PTPRM: variants seen among roughly 807,000 people sequenced by gnomAD.
PTPRM encodes receptor-type tyrosine-protein phosphatase mu.
PTPRM carries 47 observed loss-of-function variants against 186.7 expected under a neutral mutation model. The observed-to-expected ratio is 0.25, with a 90% CI of 0.20 to 0.32. PTPRM has a LOEUF of 0.32. Among genes scored for constraint, PTPRM ranks in the 10% least tolerant of loss-of-function variants. The probability of loss-of-function intolerance (pLI) is 1.00; values close to 1 mark genes in which losing one functional copy is unlikely to be tolerated. For missense variants in PTPRM, 1,494 were observed against 1,865.0 expected, an observed-to-expected ratio of 0.80 and a Z score of 3.66; for synonymous variants, 668 against 674.9, an observed-to-expected ratio of 0.99 and a Z score of 0.16.
intron 1 of PTPRM, among the ~76,000 whole-genome samples, chr18:7,738,088 T>A (rs1204040958): frequency 6.6e-6 from 1 of 152,232 alleles, no homozygotes; most frequent in Non-Finnish European, 1.5e-5. Context: ...TTGATAAGGC[T>A]GCCTTTCTTT....
intron 2 of PTPRM, among the ~76,000 whole-genome samples, chr18:7,784,809 T>G (rs1241327287): frequency 6.6e-6 from 1 of 152,192 alleles, no homozygotes; most frequent in East Asian, 1.9e-4. Flanking sequence ...CAGGGAGACA[T>G]CAGCCTGCAG....
At chr18:8,205,664 C>A (rs982802657) in intron 14 of PTPRM, among the ~76,000 whole-genome samples, 1 of 152,142 alleles carries the variant, frequency 6.6e-6, no homozygotes, top group Non-Finnish European at 1.5e-5. Context: ...TCATGCCTGC[C>A]AGAAATATTT....
chr18:7,961,312 G>A (rs1377901618), intron 7 of PTPRM, among the ~76,000 whole-genome samples: 4 of 152,106 alleles, frequency 2.6e-5, no homozygotes, highest in Non-Finnish European at 4.4e-5. Flanking sequence ...GCAACCACCA[G>A]TCTCCTTTTT....
intron 22 of PTPRM, among the ~76,000 whole-genome samples, chr18:8,340,116 G>A (rs1422656890): frequency 6.6e-6 from 1 of 152,218 alleles, no homozygotes; most frequent in Non-Finnish European, 1.5e-5. Context: ...AGGCCAGGGA[G>A]GGAGCCATGC....
intron 1 of PTPRM, among the ~76,000 whole-genome samples, chr18:7,619,195 A>G (rs2037878473): frequency 6.6e-6 from 1 of 152,198 alleles, no homozygotes. Context: ...GTGAATAAAT[A>G]ATTCAGGGTT....
intron 7 of PTPRM, 95 bp downstream of exon 7, chr18:7,955,509 A>G: frequency 7.1e-7 from 1 of 1,409,664 alleles, no homozygotes; most frequent in Non-Finnish European, 9.6e-7. Flanking sequence ...CGCTTCCCCT[A>G]GCTCTATCAA....
chr18:8,052,840 A>G (rs1267686614), intron 7 of PTPRM, among the ~76,000 whole-genome samples: 2 of 152,182 alleles, frequency 1.3e-5, no homozygotes, highest in East Asian at 1.9e-4. Context: ...TCTGCCAACA[A>G]TCAGTATTAC....
At chr18:8,377,452 T>A (rs1014237211) in intron 26 of PTPRM, 12 of 152,226 alleles carry the variant, frequency 7.9e-5, no homozygotes, top group African/African-American at 2.9e-4. Flanking sequence ...TTTAATGTAC[T>A]TTATAGTCAA....
At chr18:8,179,468 T>TTTTC (rs2093540698) in intron 14 of PTPRM, among the ~76,000 whole-genome samples, 1 of 151,928 alleles carries the variant, frequency 6.6e-6, no homozygotes, top group African/African-American at 2.4e-5. Flanking sequence ...TCTTTTTTTT[T>TTTTC]TTTCTTTTCT....
chr18:7,627,890 G>T (rs1408444004), intron 1 of PTPRM, among the ~76,000 whole-genome samples: 1 of 152,136 alleles, frequency 6.6e-6, no homozygotes, highest in African/African-American at 2.4e-5. Flanking sequence ...GTCAGAAGGA[G>T]TTCCATTGAT....
intron 1 of PTPRM, among the ~76,000 whole-genome samples, chr18:7,674,057 G>A (rs545320917): frequency 1.3e-5 from 2 of 152,294 alleles, no homozygotes; most frequent in African/African-American, 4.8e-5. Flanking sequence ...GAGGGAGCCT[G>A]TGCTTTTTAA....
chr18:7,899,693 G>C (rs918093942), intron 3 of PTPRM, among the ~76,000 whole-genome samples: 3 of 152,114 alleles, frequency 2.0e-5, no homozygotes, highest in African/African-American at 7.2e-5. Flanking sequence ...TGAGATCTTA[G>C]GGTAGGTTTT....
At chr18:8,330,421 G>GT (rs1253088347) in intron 22 of PTPRM, among the ~76,000 whole-genome samples, 5 of 152,128 alleles carry the variant, frequency 3.3e-5, no homozygotes, top group Non-Finnish European at 7.4e-5. Context: ...CAATTTATCT[G>GT]TATTTCATTC....
chr18:7,798,194 A>G (rs1357827754), intron 2 of PTPRM, among the ~76,000 whole-genome samples: 1 of 152,212 alleles, frequency 6.6e-6, no homozygotes, highest in Non-Finnish European at 1.5e-5. Flanking sequence ...TGGTAGCACA[A>G]CAATGTGAAC....
intron 7 of PTPRM, among the ~76,000 whole-genome samples, chr18:8,026,271 C>A (rs938856933): frequency 7.9e-5 from 12 of 152,184 alleles, no homozygotes; most frequent in African/African-American, 2.4e-4. Flanking sequence ...GAAGTGGAAG[C>A]AGGTGGTATC....
intron 2 of PTPRM, among the ~76,000 whole-genome samples, chr18:7,822,439 T>G (rs1373204236): frequency 6.6e-6 from 1 of 152,260 alleles, no homozygotes; most frequent in Non-Finnish European, 1.5e-5. Context: ...TTCTGATTGG[T>G]ACTTTCTATA....
chr18:7,887,909 T>A (rs1289370145), intron 2 of PTPRM, 197 bp from the exon 3 acceptor site: 2 of 766,758 alleles, frequency 2.6e-6, no homozygotes, highest in African/African-American at 3.4e-5. Flanking sequence ...TAATACTATG[T>A]GCACTCTTGA....
At chr18:8,229,958 A>T (rs1289024314) in intron 14 of PTPRM, among the ~76,000 whole-genome samples, 1 of 152,206 alleles carries the variant, frequency 6.6e-6, no homozygotes, top group African/African-American at 2.4e-5. Context: ...CCAGTGACTC[A>T]TCGTGTGGTG....
intron 1 of PTPRM, among the ~76,000 whole-genome samples, chr18:7,606,131 T>C (rs941948169): frequency 6.6e-6 from 1 of 151,960 alleles, no homozygotes; most frequent in African/African-American, 2.4e-5. Flanking sequence ...TCAGACCATC[T>C]TTGAAAGTCC....
Sources: allele counts gnomAD v4.1 joint callset (sites outside exome capture counted in the v4.1 genomes callset), GRCh38; gene constraint gnomAD v4.1.1; transcripts MANE v1.5; gene names NCBI Gene and HGNC (gene_info 2026-07-23, HGNC 2026-07-21).